PRR29: variants seen among roughly 807,000 people sequenced by gnomAD.
PRR29 encodes proline-rich protein 29.
PRR29 carries 20 observed loss-of-function variants against 25.1 expected under a neutral mutation model. That is an observed-to-expected ratio of 0.80 (90% CI 0.56 to 1.16). The LOEUF (loss-of-function observed/expected upper bound fraction) is 1.16, where lower values mean the gene tolerates loss of function less well. Among genes scored for constraint, PRR29 ranks in the 50% most tolerant of loss-of-function variants. The pLI, the probability that PRR29 is intolerant of heterozygous loss-of-function variation, is 0.00. For synonymous variants in PRR29, 108 were observed against 102.6 expected (o/e 1.05, Z -0.32); for missense variants, 238 against 246.6 (o/e 0.97, Z 0.23).
Position 64,003,863 on chromosome 17 carries a change from T to A in PRR29, c.*2102T>A. 4 of 1,614,238 alleles carry A rather than the reference T, an allele frequency of 2.5e-6. No homozygotes were observed. The highest frequency in any genetic ancestry group is 3.4e-6 in the Non-Finnish European group (4 of 1,180,034). On this transcript the variant is annotated 3_prime_UTR_variant, in exon 6 of 6. Transcript: ENST00000412177. The stretch of plus-strand genomic sequence containing the variant: ...CCACGGAACAGGAAGAGGGTGAGGC[T>A]GTCCAGGGGCTCCACGGTGGGCACC...
Position 64,002,642 on chromosome 17 carries a change from C to T in PRR29, c.*881C>T. On this transcript the variant is annotated 3_prime_UTR_variant, in exon 6 of 6. Coordinates refer to ENST00000412177, the MANE Select transcript of PRR29 (RefSeq NM_001164257.2). ...GGCTAGAAAAGGCAATGTCCCAAGT[C>T]TCTGCTGCCTGTCACAGTCCTTCAG... The T allele has an allele frequency of 9.7e-7, 1 of 1,031,960 alleles. No homozygotes were observed. Among genetic ancestry groups the T allele is most frequent in the Non-Finnish European group, 1.4e-6 (1 of 705,930 alleles). The allele number at this position is 1,031,960 out of a possible 1,614,324, so 63.9% of individuals were successfully genotyped here.
At position 64,003,842 on chromosome 17, in the gene PRR29, G is replaced by A. The variant is rs773254258; in HGVS notation, c.*2081G>A. 29 of 1,614,228 alleles carry A rather than the reference G, an allele frequency of 1.8e-5. No homozygotes were observed. The highest frequency in any genetic ancestry group is 6.6e-5 in the South Asian group (6 of 91,084). ...TCATAGTGCAGAGTCTCATTGCCAC[G>A]GAACAGGAAGAGGGTGAGGCTGTCC... On this transcript the variant is annotated 3_prime_UTR_variant, in exon 6 of 6. Coordinates refer to ENST00000412177, the MANE Select transcript of PRR29 (RefSeq NM_001164257.2).
chr17:64,001,479 C>T lies in PRR29; in HGVS notation c.483C>T (p.Pro161=). The T allele has an allele frequency of 6.8e-7, 1 of 1,475,410 alleles. No individual in the cohort carries two copies. The allele number at this position is 1,475,410 out of a possible 1,614,324, so 91.4% of individuals were successfully genotyped here. A position where few individuals can be genotyped will look rare whatever the true frequency, so the allele number is the denominator to read the frequency against. ...ASREREVRAV[P]PPPPPSATGT... ...TCCCCCATCTCAGGAGAGCTGTGCC[C>T]CCACCCCCACCCCCCAGTGCCACAG... The change falls in exon 5 of 6, where the codon CCC becomes CCT. Residue 161 remains proline, a synonymous_variant. Coordinates refer to ENST00000412177, the MANE Select transcript of PRR29 (RefSeq NM_001164257.2).
Position 64,001,770 on chromosome 17 carries a change from C to G in PRR29, c.*9C>G. On this transcript the variant is annotated 3_prime_UTR_variant, in exon 6 of 6. Coordinates refer to ENST00000412177, the MANE Select transcript of PRR29 (RefSeq NM_001164257.2). ...CCGAGAGCCTCCTATGAGGACAGAC[C>G]CCGGCCCTGGGAACTGCACCAGCTT... 6.5e-7 allele frequency: 1 copy of G among 1,537,142 alleles called. No individual in the cohort carries two copies.
rs913888681 is a variant in PRR29, at chr17:63,998,736, G to T, written c.90G>T (p.Ser30=). The T allele has an allele frequency of 5.3e-6, 8 of 1,513,574 alleles. No individual in the cohort carries two copies. In the African/African-American group the frequency reaches 1.0e-4, roughly 20 times the overall value. The allele number at this position is 1,513,574 out of a possible 1,614,324, so 93.8% of individuals were successfully genotyped here. A position where few individuals can be genotyped will look rare whatever the true frequency, so the allele number is the denominator to read the frequency against. The change falls in exon 2 of 6, where the codon TCG becomes TCT. Residue 30 remains serine, a synonymous_variant. Transcript: ENST00000412177. Reference sequence around the variant, plus strand: ...GGGTCACCTTCCTGCAGCCCCTCTCGTGGGCCGTCCCACCTGCGCCCCCGC... The same window carrying T: ...GGGTCACCTTCCTGCAGCCCCTCTCTTGGGCCGTCCCACCTGCGCCCCCGC... The part of the protein sequence containing the change: ...TPWVTFLQPL[S]WAVPPAPPQP...
At chr17:63,998,631 CG>C in intron 1 of PRR29, 75 bp from the exon 2 acceptor site, 10 of 1,009,688 alleles carry the variant, frequency 9.9e-6, no homozygotes, top group Admixed American at 2.5e-5. Flanking sequence ...GGCCACTGGC[CG>C]GGGGGGTTGG....
chr17:63,999,245 G>T (rs996819032), intron 3 of PRR29, 171 bp downstream of exon 3: 14 of 621,376 alleles, frequency 2.3e-5, no homozygotes, highest in Non-Finnish European at 3.1e-5. Flanking sequence ...TCCATGAAAG[G>T]TTGGGGCGGG....
intron 3 of PRR29, chr17:63,999,772 T>C (rs1282969886): frequency 1.4e-5 from 2 of 147,234 alleles, no homozygotes; most frequent in Non-Finnish European, 3.0e-5. Context: ...CAAGGCTGTG[T>C]ACATGCATAT....
intron 2 of PRR29, 32 bp downstream of exon 2, chr17:63,998,814 CACCATCACCA>C: frequency 9.0e-7 from 1 of 1,116,066 alleles, no homozygotes; most frequent in Non-Finnish European, 1.3e-6. Context: ...ACCCCACCCC[CACCATCACCA>C]CCACTCACCC....
At position 64,004,074 on chromosome 17, in the gene PRR29, A is replaced by C. The variant is rs571306650; in HGVS notation, c.*2313A>C. Reference sequence around the variant, plus strand: ...CCATGGTGTTCCACGGTTGGGGAGGAGGTGGCCTGGCCGGCTCCAGTGCAG... The same window carrying C: ...CCATGGTGTTCCACGGTTGGGGAGGCGGTGGCCTGGCCGGCTCCAGTGCAG... On this transcript the variant is annotated 3_prime_UTR_variant, in exon 6 of 6. Transcript: ENST00000412177. The C allele has an allele frequency of 3.5e-6, 3 of 849,204 alleles. No homozygotes were observed. The highest frequency in any genetic ancestry group is 5.4e-6 in the Non-Finnish European group (3 of 556,066). 52.6% of individuals were successfully genotyped at this position (849,204 alleles called of 1,614,324 possible).
chr17:64,001,660 T>TGTCCCCTTCCCTTTACCTCTTGGGG, intron 5 of PRR29, 73 bp from the exon 6 acceptor site: 1 of 1,522,794 alleles, frequency 6.6e-7, no homozygotes, highest in Non-Finnish European at 8.8e-7. Flanking sequence ...GCAACTGGCC[T>TGTCCCCTTCCCTTTACCTCTTGGGG]GTCCCCTTCC....
chr17:63,999,781 ATG>A (rs58633316), intron 3 of PRR29: 31,731 of 153,688 alleles, frequency 0.21, 3,993 homozygotes, highest in Admixed American at 0.34. Context: ...GTACATGCAT[ATG>A]TGTGTGCAAG....
rs1436349218 is a variant in PRR29 at position 64,002,825 on chromosome 17, C to T, written c.*1064C>T. Reference sequence around the variant, plus strand: ...TGCCCATCCGCTGCTGGCGCAAGTGCTGGCCGAAGATGAAGCAGAGCAGGA... The same window carrying T: ...TGCCCATCCGCTGCTGGCGCAAGTGTTGGCCGAAGATGAAGCAGAGCAGGA... On this transcript the variant is annotated 3_prime_UTR_variant, in exon 6 of 6. Coordinates refer to ENST00000412177, the MANE Select transcript of PRR29 (RefSeq NM_001164257.2). 6.2e-7 allele frequency: 1 copy of T among 1,613,934 alleles called. No homozygotes were observed. The highest frequency in any genetic ancestry group is 2.2e-5 in the East Asian group (1 of 44,874).
chr17:64,003,576 A>G lies in PRR29; in HGVS notation c.*1815A>G. 2.0e-6 allele frequency: 3 copies of G among 1,465,586 alleles called. No individual in the cohort carries two copies. The highest frequency in any genetic ancestry group is 2.8e-6 in the Non-Finnish European group (3 of 1,069,626). The allele number at this position is 1,465,586 out of a possible 1,614,324, so 90.8% of individuals were successfully genotyped here. A position where few individuals can be genotyped will look rare whatever the true frequency, so the allele number is the denominator to read the frequency against. The stretch of plus-strand genomic sequence containing the variant: ...GTTTGCTTCCCAAGTGGGACTCAAG[A>G]TTTTTCTTCCCCCGAGGGGCTGAAA... On this transcript the variant is annotated 3_prime_UTR_variant, in exon 6 of 6. Transcript: ENST00000412177.
Position 64,002,084 on chromosome 17 carries a change from T to C in PRR29, c.*323T>C. 8.1e-7 allele frequency: 1 copy of C among 1,232,378 alleles called. No homozygotes were observed. Among genetic ancestry groups the C allele is most frequent in the Non-Finnish European group, 1.1e-6 (1 of 894,158 alleles). 76.3% of individuals were successfully genotyped at this position (1,232,378 alleles called of 1,614,324 possible). ...GCCTGGGAACAGAGCCCCCACCCTC[T>C]CTCCCTCACCCCTCTCTCTGGGATG... On this transcript the variant is annotated 3_prime_UTR_variant, in exon 6 of 6. Coordinates refer to ENST00000412177, the MANE Select transcript of PRR29 (RefSeq NM_001164257.2).
chr17:64,002,043 C>T lies in PRR29; in HGVS notation c.*282C>T. ...CCCGCCTCTGCCCCACTGCTTCCTG[C>T]CTGGAGCAGGGGGAGGCCTGGGAAC... On this transcript the variant is annotated 3_prime_UTR_variant, in exon 6 of 6. Transcript: ENST00000412177. The T allele has an allele frequency of 6.7e-7, 1 of 1,493,764 alleles. No individual in the cohort carries two copies. Among genetic ancestry groups the T allele is most frequent in the Non-Finnish European group, 9.0e-7 (1 of 1,114,744 alleles). The allele number at this position is 1,493,764 out of a possible 1,614,324, so 92.5% of individuals were successfully genotyped here. A position where few individuals can be genotyped will look rare whatever the true frequency, so the allele number is the denominator to read the frequency against.
At position 64,002,888 on chromosome 17, in the gene PRR29, C is replaced by G; in HGVS notation, c.*1127C>G. The G allele has an allele frequency of 1.2e-6, 2 of 1,613,968 alleles. No homozygotes were observed. The highest frequency in any genetic ancestry group is 1.7e-6 in the Non-Finnish European group (2 of 1,179,962). On this transcript the variant is annotated 3_prime_UTR_variant, in exon 6 of 6. Coordinates refer to ENST00000412177, the MANE Select transcript of PRR29 (RefSeq NM_001164257.2). ...ACAGGGACAGCAACACCGACACCAC[C>G]GTGACTATGATGACCATCTGGCTGT... is the stretch of plus-strand genomic sequence containing the variant.
At position 64,002,618 on chromosome 17, in the gene PRR29, G is replaced by T; in HGVS notation, c.*857G>T. 2 of 803,052 alleles carry T rather than the reference G, an allele frequency of 2.5e-6. No homozygotes were observed. Among genetic ancestry groups the T allele is most frequent in the East Asian group, 2.7e-5 (1 of 37,398 alleles). The allele number at this position is 803,052 out of a possible 1,614,324, so 49.7% of individuals were successfully genotyped here. On this transcript the variant is annotated 3_prime_UTR_variant, in exon 6 of 6. Coordinates refer to ENST00000412177, the MANE Select transcript of PRR29 (RefSeq NM_001164257.2). ...GCTAAGTCCAGGTGTTTGTATTCGGGCTAGAAAAGGCAATGTCCCAAGTCT... is the reference window on the plus strand; with the variant it reads ...GCTAAGTCCAGGTGTTTGTATTCGGTCTAGAAAAGGCAATGTCCCAAGTCT...
At chr17:64,001,671 C>G (rs1465343542) in intron 5 of PRR29, 62 bp from the exon 6 acceptor site, 2 of 1,528,668 alleles carry the variant, frequency 1.3e-6, no homozygotes, top group East Asian at 4.9e-5. Context: ...GTCCCCTTCC[C>G]TTTACCTCTT....
Sources: allele counts gnomAD v4.1 joint callset, GRCh38; gene constraint gnomAD v4.1.1; transcripts MANE v1.5; gene names NCBI Gene and HGNC (gene_info 2026-07-23, HGNC 2026-07-21).